CSMD3: variants seen among roughly 807,000 people sequenced by gnomAD.
CSMD3 encodes CUB and Sushi multiple domains 3, also known as CUB and sushi domain-containing protein 3.
In CSMD3, 177 loss-of-function variants were observed where a neutral mutation model predicts 435.2. The ratio of observed to expected loss-of-function variants is 0.41; its 90% CI spans 0.36 to 0.46. CSMD3 has a LOEUF of 0.46. CSMD3 is among the 20% of genes least tolerant of loss of function. The pLI, the probability that CSMD3 is intolerant of heterozygous loss-of-function variation, is 0.34. For synonymous variants in CSMD3, 1,656 were observed against 1,520.5 expected, an observed-to-expected ratio of 1.09 and a Z score of -2.07; for missense variants, 4,265 against 4,504.6, an observed-to-expected ratio of 0.95 and a Z score of 1.52.
intron 23 of CSMD3, among the ~76,000 whole-genome samples, chr8:112,576,207 T>C (rs957015691): frequency 6.6e-6 from 1 of 152,078 alleles, no homozygotes; most frequent in Non-Finnish European, 1.5e-5. Flanking sequence ...AAATTGGATG[T>C]TGAAATTTGT....
intron 1 of CSMD3, among the ~76,000 whole-genome samples, chr8:113,406,526 C>A (rs1305901223): frequency 1.3e-5 from 2 of 151,902 alleles, no homozygotes; most frequent in Admixed American, 1.3e-4. Context: ...GGAAAACGAA[C>A]CTGGAGTAAA....
intron 10 of CSMD3, among the ~76,000 whole-genome samples, chr8:112,903,625 G>C (rs1391383345): frequency 2.0e-5 from 3 of 151,038 alleles, no homozygotes; most frequent in Admixed American, 6.6e-5. Context: ...AAAAACTCTG[G>C]TGTGGGATTC....
At chr8:112,283,589 T>C (rs1818882814) in intron 58 of CSMD3, among the ~76,000 whole-genome samples, 1 of 151,652 alleles carries the variant, frequency 6.6e-6, no homozygotes, top group African/African-American at 2.4e-5. Context: ...CTCTTTTTTA[T>C]TTCTATTTTT....
At chr8:113,109,605 T>G (rs1450618030) in intron 4 of CSMD3, among the ~76,000 whole-genome samples, 1 of 152,216 alleles carries the variant, frequency 6.6e-6, no homozygotes, top group Admixed American at 6.5e-5. Flanking sequence ...CTCCAGGGAC[T>G]GAGATTGGGT....
At chr8:112,786,979 C>T (rs1304484287) in intron 13 of CSMD3, among the ~76,000 whole-genome samples, 2 of 152,052 alleles carry the variant, frequency 1.3e-5, no homozygotes, top group East Asian at 1.9e-4. Context: ...TGAGAACATG[C>T]AGTGTTTGGT....
At chr8:113,304,998 G>T (rs2093807522) in intron 2 of CSMD3, among the ~76,000 whole-genome samples, 1 of 149,196 alleles carries the variant, frequency 6.7e-6, no homozygotes, top group Admixed American at 6.7e-5. Context: ...CATGTCCTTT[G>T]TAGGGACATG....
chr8:113,009,413 C>G (rs1224778294), intron 6 of CSMD3, among the ~76,000 whole-genome samples: 1 of 151,730 alleles, frequency 6.6e-6, no homozygotes, highest in Admixed American at 6.6e-5. Context: ...GTGCTCTTTC[C>G]AGAACAATAC....
intron 6 of CSMD3, among the ~76,000 whole-genome samples, chr8:113,017,840 A>C (rs551042335): frequency 6.8e-4 from 104 of 152,198 alleles, no homozygotes; most frequent in African/African-American, 2.4e-3. Flanking sequence ...TACCATGCCT[A>C]AACAGCTATT....
At position 113,196,631 on chromosome 8, in the gene CSMD3, CAGG is replaced by C. The variant is rs571185133; in HGVS notation, c.515-22718_515-22716del. ...ATCAAGGCTGAATTGGAACAGAGAG[CAGG>C]AGAAGACTAGAGACGACAGAAGGAG... On this transcript the variant is annotated intron_variant, in intron 3 of 70. Transcript: ENST00000297405. 2.0e-4 allele frequency among the ~76,000 whole-genome samples: 30 copies of C among 151,176 alleles called. No homozygotes were observed. The South Asian group carries it at 5.6e-3, about 28-fold the overall frequency.
chr8:112,511,388 T>G (rs564792652), intron 28 of CSMD3, among the ~76,000 whole-genome samples: 1 of 107,850 alleles, frequency 9.3e-6, no homozygotes, highest in Non-Finnish European at 2.0e-5. Flanking sequence ...TCTTTTCTTT[T>G]TTTTTTTTTT....
chr8:112,655,035 A>T (rs977781985), intron 18 of CSMD3, among the ~76,000 whole-genome samples: 1 of 152,150 alleles, frequency 6.6e-6, no homozygotes, highest in African/African-American at 2.4e-5. Flanking sequence ...ATTTTTACAA[A>T]ATATGCTTTC....
chr8:112,367,558 T>C lies in CSMD3; in HGVS notation c.6136+12794A>G, dbSNP rs563769229. On this transcript the variant is annotated intron_variant, in intron 38 of 70. Coordinates refer to ENST00000297405, the MANE Select transcript of CSMD3 (RefSeq NM_198123.2). Reference sequence around the variant, plus strand: ...TTTCTCTCTCATCCCCAACATCTAATTGGCCATAAAGCTTTTCAATTATAT... The same window carrying C: ...TTTCTCTCTCATCCCCAACATCTAACTGGCCATAAAGCTTTTCAATTATAT... 6.6e-5 allele frequency among the ~76,000 whole-genome samples: 10 copies of C among 152,292 alleles called. No homozygotes were observed. In the East Asian group the frequency reaches 1.5e-3, roughly 24 times the overall value.
intron 9 of CSMD3, among the ~76,000 whole-genome samples, chr8:112,944,427 C>T (rs2083542896): frequency 6.6e-6 from 1 of 151,658 alleles, no homozygotes; most frequent in Non-Finnish European, 1.5e-5. Flanking sequence ...ATAGATTTCT[C>T]TCTATAGAAT....
intron 12 of CSMD3, among the ~76,000 whole-genome samples, chr8:112,827,953 T>G (rs1186437720): frequency 1.3e-5 from 2 of 152,170 alleles, no homozygotes; most frequent in African/African-American, 4.8e-5. Flanking sequence ...ACATGTAATT[T>G]TCAGTTCCTT....
chr8:112,598,092 A>G (rs112000667), intron 22 of CSMD3, among the ~76,000 whole-genome samples: 1 of 149,038 alleles, frequency 6.7e-6, no homozygotes, highest in African/African-American at 2.5e-5. Context: ...CTGTTTGCAG[A>G]TGACATGATT....
chr8:113,330,248 A>G (rs1446204718), intron 1 of CSMD3, among the ~76,000 whole-genome samples: 1 of 152,056 alleles, frequency 6.6e-6, no homozygotes, highest in Non-Finnish European at 1.5e-5. Flanking sequence ...ATTAATCTGA[A>G]CTAGAATGTT....
chr8:112,228,922 C>G (rs2129841996), intron 69 of CSMD3, 31 bp from the exon 70 acceptor site: 1 of 1,145,150 alleles, frequency 8.7e-7, no homozygotes, highest in Non-Finnish European at 1.3e-6. Flanking sequence ...TATAAATACA[C>G]AACTCTTTTA....
intron 31 of CSMD3, among the ~76,000 whole-genome samples, chr8:112,474,184 T>A (rs1160289098): frequency 6.6e-6 from 1 of 151,822 alleles, no homozygotes; most frequent in African/African-American, 2.4e-5. Context: ...TTTTAAAGAG[T>A]TACAAACAAA....
rs547154171 is a variant in CSMD3, at chr8:112,525,251, C to T, written c.4565-8026G>A. Reference sequence around the variant, plus strand: ...TTTGACACACTTTTATAATATGAAACTTGTCAAACAAGTTTTCTTAAATTA... The same window carrying T: ...TTTGACACACTTTTATAATATGAAATTTGTCAAACAAGTTTTCTTAAATTA... On this transcript the variant is annotated intron_variant, in intron 27 of 70. Coordinates refer to ENST00000297405, the MANE Select transcript of CSMD3 (RefSeq NM_198123.2). 7.9e-5 allele frequency among the ~76,000 whole-genome samples: 12 copies of T among 151,188 alleles called. No homozygotes were observed. In the South Asian group the frequency reaches 2.5e-3, roughly 31 times the overall value.
Sources: allele counts gnomAD v4.1 joint callset (sites outside exome capture counted in the v4.1 genomes callset), GRCh38; gene constraint gnomAD v4.1.1; transcripts MANE v1.5; gene names NCBI Gene and HGNC (gene_info 2026-07-23, HGNC 2026-07-21).